IQSEC1: variants seen among roughly 807,000 people sequenced by gnomAD.
IQSEC1 encodes the protein IQ motif and Sec7 domain ArfGEF 1, also known as IQ motif and SEC7 domain-containing protein 1.
IQSEC1 carries 31 observed loss-of-function variants against 91.0 expected under a neutral mutation model. The ratio of observed to expected loss-of-function variants is 0.34; its 90% CI spans 0.26 to 0.46. The LOEUF is 0.46. IQSEC1 is among the 20% of genes least tolerant of loss of function. The pLI is 1.00. For missense variants in IQSEC1, 1,388 were observed against 1,575.6 expected, an observed-to-expected ratio of 0.88 and a Z score of 2.02; for synonymous variants, 699 against 662.6, an observed-to-expected ratio of 1.05 and a Z score of -0.84.
chr3:13,082,949 T>C (rs1047449549), intron 2 of IQSEC1, among the ~76,000 whole-genome samples: 7 of 152,226 alleles, frequency 4.6e-5, no homozygotes, highest in African/African-American at 1.7e-4. Flanking sequence ...CACTCACTGC[T>C]GGCTCCTTCT....
At chr3:13,209,374 T>C (rs1363007240) in intron 1 of IQSEC1, among the ~76,000 whole-genome samples, 2 of 152,258 alleles carry the variant, frequency 1.3e-5, no homozygotes, top group Non-Finnish European at 2.9e-5. Context: ...TGCAATTCCC[T>C]GTAATGTATT....
At position 13,102,205 on chromosome 3, in the gene IQSEC1, G is replaced by A. The variant is rs376703460; in HGVS notation, c.303-54683C>T. 4.6e-5 allele frequency among the ~76,000 whole-genome samples: 7 copies of A among 152,220 alleles called. No homozygotes were observed. The East Asian group carries it at 1.4e-3, about 29-fold the overall frequency. On this transcript the variant is annotated intron_variant, in intron 2 of 15. Coordinates refer to the IQSEC1 transcript ENST00000648114. Reference sequence around the variant, plus strand: ...AGGTGGAAGGATTGCTTGAGCCCAGGAGATCAATGATGGAGCCCAGGAGTC... The same window carrying A: ...AGGTGGAAGGATTGCTTGAGCCCAGAAGATCAATGATGGAGCCCAGGAGTC...
At position 12,924,465 on chromosome 3, in the gene IQSEC1, C is replaced by T. The variant is rs1389732943; in HGVS notation, c.1730+116G>A. ...ACTTAGGAAGAGAGAAAGGGGGGCC[C>T]ACCACATGTCCCAGCAAGTAGGGTG... On this transcript the variant is annotated intron_variant, in intron 4 of 13. Coordinates refer to ENST00000613206, the MANE Select transcript of IQSEC1 (RefSeq NM_001134382.3). This position sits in a 1 kb window ranked among gnomAD's most constrained non-coding sequence, Gnocchi z 6.3. The T allele has an allele frequency of 9.4e-7, 1 of 1,068,130 alleles. No homozygotes were observed. Among genetic ancestry groups the T allele is most frequent in the Non-Finnish European group, 1.3e-6 (1 of 759,126 alleles). The allele number at this position is 1,068,130 out of a possible 1,614,324, so 66.2% of individuals were successfully genotyped here. A position where few individuals can be genotyped will look rare whatever the true frequency, so the allele number is the denominator to read the frequency against.
At position 13,199,931 on chromosome 3, in the gene IQSEC1, TCA is replaced by T. The variant is rs752636736; in HGVS notation, c.273-35800_273-35799del. Among the ~76,000 whole-genome samples the T allele has an allele frequency of 1.9e-3, 235 of 123,932 alleles. 1 individual carries two copies. Among genetic ancestry groups the T allele is most frequent in the Non-Finnish European group, 2.7e-3 (156 of 57,966 alleles). 81.3% of individuals were successfully genotyped at this position (123,932 alleles called of 152,430 possible). On this transcript the variant is annotated intron_variant, in intron 1 of 15. Transcript: ENST00000648114. ...ACAGATACACCACACACCACGCACG[TCA>T]CACACACACACACACCATACACACA...
chr3:13,279,050 G>A (rs1695742994), intron 1 of IQSEC1, among the ~76,000 whole-genome samples: 1 of 152,186 alleles, frequency 6.6e-6, no homozygotes, highest in Admixed American at 6.5e-5. Flanking sequence ...AGCAGGGCAG[G>A]CACACAGGAA....
intron 2 of IQSEC1, among the ~76,000 whole-genome samples, chr3:13,133,550 C>T (rs1706656883): frequency 6.6e-6 from 1 of 152,234 alleles, no homozygotes. Flanking sequence ...GCGCCCTTGC[C>T]AGGCCCGGCT....
At chr3:13,050,854 T>C (rs549239312) in intron 1 of IQSEC1, among the ~76,000 whole-genome samples, 1 of 152,354 alleles carries the variant, frequency 6.6e-6, no homozygotes, top group Non-Finnish European at 1.5e-5. Flanking sequence ...ATATTACATA[T>C]ATTAATGTGT....
rs1316839781 is a variant in IQSEC1, at chr3:12,898,485, G to GC, written c.*2497dup. ...AGCTCCAGGACACACCGAGGACAGT[G>GC]CCACAGGCTGGCAGCCCGAGGCTGT... On this transcript the variant is annotated 3_prime_UTR_variant, in exon 14 of 14. Coordinates refer to ENST00000613206, the MANE Select transcript of IQSEC1 (RefSeq NM_001134382.3). 1.3e-5 allele frequency: 2 copies of GC among 152,248 alleles called. No individual in the cohort carries two copies. Among genetic ancestry groups the GC allele is most frequent in the African/African-American group, 4.8e-5 (2 of 41,452 alleles). 9.4% of individuals were successfully genotyped at this position (152,248 alleles called of 1,614,324 possible).
chr3:13,033,611 G>A (rs1216687543), intron 1 of IQSEC1, among the ~76,000 whole-genome samples: 2 of 152,126 alleles, frequency 1.3e-5, no homozygotes, highest in African/African-American at 4.8e-5. Flanking sequence ...GTCAGCAAGA[G>A]ACCCAGGAGA....
At chr3:13,033,927 T>A (rs1410900946) in intron 1 of IQSEC1, among the ~76,000 whole-genome samples, 2 of 152,198 alleles carry the variant, frequency 1.3e-5, no homozygotes, top group African/African-American at 4.8e-5. Flanking sequence ...CCTTATGGCC[T>A]AGGCAAGGTG....
At chr3:12,943,973 C>G (rs891207092) in intron 1 of IQSEC1, among the ~76,000 whole-genome samples, 1 of 152,206 alleles carries the variant, frequency 6.6e-6, no homozygotes, top group African/African-American at 2.4e-5. Flanking sequence ...TCCCCAGGAG[C>G]TGGGCCATGA....
At chr3:13,041,973 G>A (rs947441142) in intron 1 of IQSEC1, among the ~76,000 whole-genome samples, 10 of 152,112 alleles carry the variant, frequency 6.6e-5, no homozygotes, top group African/African-American at 9.7e-5. Flanking sequence ...CGGGGACCCC[G>A]GGCCGGTGCA....
intron 1 of IQSEC1, chr3:13,047,644 A>G (rs1317715725): frequency 7.8e-6 from 2 of 257,996 alleles, no homozygotes; most frequent in Non-Finnish European, 1.2e-5. Flanking sequence ...GCAACTGAGC[A>G]GCCCTGGGAA....
intron 1 of IQSEC1, among the ~76,000 whole-genome samples, chr3:13,189,016 C>A (rs1693977304): frequency 6.6e-6 from 1 of 152,232 alleles, no homozygotes; most frequent in Admixed American, 6.5e-5. Flanking sequence ...GACTTTGAAT[C>A]TTGGCCTCTG....
intron 1 of IQSEC1, among the ~76,000 whole-genome samples, chr3:13,063,486 G>A (rs1705135652): frequency 6.6e-6 from 1 of 152,210 alleles, no homozygotes; most frequent in Non-Finnish European, 1.5e-5. Flanking sequence ...GCGGGCACAG[G>A]GCAGAGGAGG....
chr3:13,152,826 C>T (rs1436964980), intron 2 of IQSEC1, among the ~76,000 whole-genome samples: 3 of 152,122 alleles, frequency 2.0e-5, no homozygotes, highest in Admixed American at 1.3e-4. Flanking sequence ...GCCAAGATCA[C>T]GCCATTGCAC....
chr3:13,215,835 C>A (rs554476990), intron 1 of IQSEC1, among the ~76,000 whole-genome samples: 1 of 152,224 alleles, frequency 6.6e-6, no homozygotes, highest in Non-Finnish European at 1.5e-5. Context: ...GTTTCTCAAA[C>A]GTCTCCTGTT....
intron 1 of IQSEC1, among the ~76,000 whole-genome samples, chr3:13,031,997 C>T (rs1703858860): frequency 6.6e-6 from 1 of 152,084 alleles, no homozygotes; most frequent in Admixed American, 6.5e-5. Flanking sequence ...GTGGGAAGAG[C>T]ACAAAGAACC....
chr3:12,930,751 G>C (rs1697598995), intron 3 of IQSEC1, among the ~76,000 whole-genome samples: 1 of 152,172 alleles, frequency 6.6e-6, no homozygotes, highest in African/African-American at 2.4e-5. Flanking sequence ...CCTGTCACAT[G>C]CAACAGAGAA....
Sources: gnomAD v4.1 joint callset for allele counts (sites outside exome capture counted in the v4.1 genomes callset) on GRCh38, gnomAD v4.1.1 for gene constraint, Gnocchi (gnomAD v3.1) non-coding constraint, MANE v1.5 for transcripts, NCBI Gene and HGNC (gene_info 2026-07-23, HGNC 2026-07-21) for gene names.